Variants in TMOD3 observed in about 807,000 individuals in gnomAD.
TMOD3 encodes the protein tropomodulin-3.
A neutral mutation model predicts 39.2 loss-of-function variants in TMOD3; 20 were observed. That is an observed-to-expected ratio of 0.51 (90% confidence interval 0.36 to 0.74). TMOD3 has a LOEUF of 0.74. TMOD3 is among the 30% of genes least tolerant of loss of function. The pLI is 0.00. For synonymous variants in TMOD3, 143 were observed against 145.8 expected, an observed-to-expected ratio of 0.98 and a Z score of 0.14; for missense variants, 381 against 412.8, an observed-to-expected ratio of 0.92 and a Z score of 0.67.
At chr15:51,869,783 A>G (rs1323911447) in intron 3 of TMOD3, among the ~76,000 whole-genome samples, 1 of 152,212 alleles carries the variant, frequency 6.6e-6, no homozygotes, top group African/African-American at 2.4e-5. Context: ...TTAAAAAGCT[A>G]TTCTATACCC....
At chr15:51,862,319 A>G (rs1010661463) in intron 1 of TMOD3, among the ~76,000 whole-genome samples, 1 of 152,216 alleles carries the variant, frequency 6.6e-6, no homozygotes, top group Non-Finnish European at 1.5e-5. Context: ...GCATCTTTTC[A>G]AAAGAATATT....
At chr15:51,877,709 G>A (rs2056512055) in intron 3 of TMOD3, among the ~76,000 whole-genome samples, 1 of 151,868 alleles carries the variant, frequency 6.6e-6, no homozygotes, top group Middle Eastern at 3.4e-3. Flanking sequence ...TGTGTTAGGT[G>A]GGACTAGAGC....
chr15:51,839,165 C>A (rs12903893), intron 1 of TMOD3, among the ~76,000 whole-genome samples: 2 of 108,970 alleles, frequency 1.8e-5, no homozygotes, highest in Admixed American at 1.1e-4. Flanking sequence ...GTGTATCTCT[C>A]TTTTTTTTTT....
chr15:51,860,435 C>T (rs1052075795), intron 1 of TMOD3: 13 of 556,886 alleles, frequency 2.3e-5, no homozygotes, highest in Non-Finnish European at 4.3e-5. Context: ...TCAGCTCCAT[C>T]CTAAAGTAGT....
In TMOD3 at chr15:51,911,223, T is replaced by C. The variant is rs1166495307; in HGVS notation, c.*2413T>C. The C allele has an allele frequency of 6.6e-6, 1 of 152,226 alleles. No homozygotes were observed. Among genetic ancestry groups the C allele is most frequent in the East Asian group, 1.9e-4 (1 of 5,206 alleles). 9.4% of individuals were successfully genotyped at this position (152,226 alleles called of 1,614,324 possible). A position where few individuals can be genotyped will look rare whatever the true frequency, so the allele number is the denominator to read the frequency against. On this transcript the variant is annotated 3_prime_UTR_variant, in exon 10 of 10. Transcript: ENST00000308580. ...TTTGTTTTTGTTTTTGTTTTTAATA[T>C]AGGTAAGTGGGACTCTACCTAAAAT... is the stretch of plus-strand genomic sequence containing the variant.
chr15:51,902,089 G>A (rs2056653842), intron 9 of TMOD3, 53 bp downstream of exon 9: 1 of 1,586,194 alleles, frequency 6.3e-7, no homozygotes, highest in African/African-American at 1.4e-5. Flanking sequence ...CTAACGTATT[G>A]GGGGAACTTC....
intron 2 of TMOD3, among the ~76,000 whole-genome samples, chr15:51,867,240 G>T (rs556043037): frequency 2.0e-5 from 3 of 152,154 alleles, no homozygotes; most frequent in African/African-American, 7.2e-5. Context: ...TCATAGTTTC[G>T]ACCAAAGTAA....
chr15:51,882,536 A>T (rs2056540350), intron 3 of TMOD3, among the ~76,000 whole-genome samples: 1 of 152,162 alleles, frequency 6.6e-6, no homozygotes, highest in Admixed American at 6.5e-5. Flanking sequence ...TTTGCATGTG[A>T]TTGTGCAGTT....
At chr15:51,840,305 A>G (rs982954870) in intron 1 of TMOD3, among the ~76,000 whole-genome samples, 8 of 152,212 alleles carry the variant, frequency 5.3e-5, no homozygotes, top group Admixed American at 1.3e-4. Context: ...TATGTGGATC[A>G]GAGTATAGTA....
intron 9 of TMOD3, among the ~76,000 whole-genome samples, chr15:51,902,635 AATTTTTGT>A (rs2056657177): frequency 7.8e-6 from 1 of 127,914 alleles, no homozygotes; most frequent in Non-Finnish European, 1.6e-5. Context: ...GTGCCCAGCT[AATTTTTGT>A]ATTTTTTTTT....
chr15:51,839,932 G>T (rs2056305203), intron 1 of TMOD3, among the ~76,000 whole-genome samples: 1 of 152,140 alleles, frequency 6.6e-6, no homozygotes, highest in South Asian at 2.1e-4. Context: ...GCCCCATTAG[G>T]ATATGATAAA....
At chr15:51,859,584 A>G (rs775571696) in intron 1 of TMOD3, 1 of 601,636 alleles carries the variant, frequency 1.7e-6, no homozygotes, top group Non-Finnish European at 3.2e-6. Context: ...GACAGCTAAG[A>G]GAGCTTTCTT....
chr15:51,872,017 AC>A (rs1241937562), intron 3 of TMOD3, among the ~76,000 whole-genome samples: 1 of 152,118 alleles, frequency 6.6e-6, no homozygotes, highest in Non-Finnish European at 1.5e-5. Flanking sequence ...ACTTTTTGTT[AC>A]TCAAAGAAAA....
intron 5 of TMOD3, among the ~76,000 whole-genome samples, chr15:51,890,405 G>A (rs1439691561): frequency 6.7e-6 from 1 of 148,344 alleles, no homozygotes; most frequent in Admixed American, 6.8e-5. Context: ...TCGAACTCCT[G>A]ACCTCAGGTG....
At chr15:51,861,143 GA>G in intron 1 of TMOD3, 1 of 505,160 alleles carries the variant, frequency 2.0e-6, no homozygotes, top group Non-Finnish European at 3.9e-6. Context: ...AGTCGTCCTT[GA>G]AAAGGGCTCT....
At chr15:51,890,337 ATTTTTTT>A (rs34989450) in intron 5 of TMOD3, among the ~76,000 whole-genome samples, 1 of 128,238 alleles carries the variant, frequency 7.8e-6, no homozygotes, top group African/African-American at 2.9e-5. Context: ...TGTCCAGCTA[ATTTTTTT>A]TTTTTTTTTT....
At position 51,900,135 on chromosome 15, in the gene TMOD3, A is replaced by G. The variant is rs771970241; in HGVS notation, c.736-20A>G. 6.2e-7 allele frequency: 1 copy of G among 1,612,288 alleles called. No individual in the cohort carries two copies. The highest frequency in any genetic ancestry group is 1.3e-5 in the African/African-American group (1 of 74,772). On this transcript the variant is annotated intron_variant, in intron 7 of 9. Coordinates refer to ENST00000308580, the MANE Select transcript of TMOD3 (RefSeq NM_014547.5). ...TACTGTATCAAATTTTAATCTCTTA[A>G]TATTTTCTCTAATTTCTAGGCTTTT...
At chr15:51,871,078 G>A (rs1035627411) in intron 3 of TMOD3, among the ~76,000 whole-genome samples, 6 of 152,070 alleles carry the variant, frequency 3.9e-5, no homozygotes, top group East Asian at 1.9e-4. Context: ...TCATGAAAAC[G>A]TTTAGAACAA....
intron 2 of TMOD3, among the ~76,000 whole-genome samples, chr15:51,864,392 T>C (rs1018302292): frequency 1.3e-5 from 2 of 152,158 alleles, no homozygotes; most frequent in African/African-American, 4.8e-5. Context: ...TTCTGTGCCT[T>C]GGAGGGATGT....
Sources: allele counts gnomAD v4.1 joint callset (sites outside exome capture counted in the v4.1 genomes callset), GRCh38; gene constraint gnomAD v4.1.1; transcripts MANE v1.5; gene names NCBI Gene and HGNC (gene_info 2026-07-23, HGNC 2026-07-21).